KDM4B: variants seen among roughly 807,000 people sequenced by gnomAD.
KDM4B encodes the protein lysine-specific demethylase 4B.
In KDM4B, 32 loss-of-function variants were observed where a neutral mutation model predicts 125.2. The ratio of observed to expected loss-of-function variants is 0.26; its 90% CI spans 0.19 to 0.34. KDM4B has a LOEUF of 0.34. KDM4B is among the 10% of genes least tolerant of loss of function. The pLI, the probability that KDM4B is intolerant of heterozygous loss-of-function variation, is 1.00. For missense variants in KDM4B, 1,190 were observed against 1,577.7 expected, an observed-to-expected ratio of 0.75 and a Z score of 4.16; for synonymous variants, 721 against 677.9, an observed-to-expected ratio of 1.06 and a Z score of -0.99.
At chr19:5,101,841 A>G (rs958499376) in intron 9 of KDM4B, among the ~76,000 whole-genome samples, 8 of 152,182 alleles carry the variant, frequency 5.3e-5, no homozygotes, top group Non-Finnish European at 1.0e-4. Context: ...CCCTTGGGCC[A>G]GCCGGATTGC....
intron 9 of KDM4B, among the ~76,000 whole-genome samples, chr19:5,095,992 C>T (rs1250626288): frequency 6.6e-6 from 1 of 152,182 alleles, no homozygotes; most frequent in East Asian, 1.9e-4. Flanking sequence ...AAGTCAGCTT[C>T]ACAGGGAGCT....
rs1386439004 is a variant in KDM4B at position 5,114,449 on chromosome 19, C to T, written c.1115+3631C>T. 1 of 399,980 alleles carries T rather than the reference C, an allele frequency of 2.5e-6. No homozygotes were observed. Among genetic ancestry groups the T allele is most frequent in the African/African-American group, 2.0e-5 (1 of 48,930 alleles). The allele number at this position is 399,980 out of a possible 1,614,324, so 24.8% of individuals were successfully genotyped here. Reference sequence around the variant, plus strand: ...CCAGGGCTGCCACGGCTGCCACACCCCAGCTGCATTCCTGAGCCCTCCCCA... The same window carrying T: ...CCAGGGCTGCCACGGCTGCCACACCTCAGCTGCATTCCTGAGCCCTCCCCA... On this transcript the variant is annotated intron_variant, in intron 10 of 22. Transcript: ENST00000159111. This position sits in a 1 kb window ranked among gnomAD's most constrained non-coding sequence, Gnocchi z 5.8.
chr19:5,103,508 G>A (rs1438091546), intron 9 of KDM4B, among the ~76,000 whole-genome samples: 6 of 152,138 alleles, frequency 3.9e-5, no homozygotes, highest in African/African-American at 9.7e-5. Flanking sequence ...GGCAGGTGAC[G>A]GCCGCACTGC....
In KDM4B at chr19:5,131,470, G is replaced by C. The variant is rs1329376905; in HGVS notation, c.1710G>C (p.Leu570=). 1 of 1,598,740 alleles carries C rather than the reference G, an allele frequency of 6.3e-7. No individual in the cohort carries two copies. The highest frequency in any genetic ancestry group is 1.1e-5 in the South Asian group (1 of 90,626). The change falls in exon 12 of 23, where the codon CTG becomes CTC. Residue 570 remains leucine, a synonymous_variant. Coordinates refer to ENST00000159111, the MANE Select transcript of KDM4B (RefSeq NM_015015.3). ...TWKEPVSPME[L]TGPEDGAASS... ...AGGAACCAGTTTCCCCCATGGAGCT[G>C]ACGGGGCCAGAGGACGGTGCAGCCA...
intron 6 of KDM4B, among the ~76,000 whole-genome samples, chr19:5,050,046 C>G (rs541826455): frequency 6.6e-6 from 1 of 152,294 alleles, no homozygotes; most frequent in South Asian, 2.1e-4. Context: ...GGCTCCCAGC[C>G]AAGAGATCAC....
intron 1 of KDM4B, among the ~76,000 whole-genome samples, chr19:5,007,928 A>C (rs2035612619): frequency 6.6e-6 from 1 of 152,150 alleles, no homozygotes; most frequent in Non-Finnish European, 1.5e-5. Context: ...TTTAGCCAGA[A>C]ATCTTGCCTG....
At chr19:5,090,499 TC>T (rs2038669611) in intron 9 of KDM4B, among the ~76,000 whole-genome samples, 1 of 40,652 alleles carries the variant, frequency 2.5e-5, no homozygotes, top group Non-Finnish European at 4.8e-5. Flanking sequence ...TCTCCCCCTC[TC>T]GCCCCCTCTC....
At chr19:5,014,109 T>C (rs2035815694) in intron 1 of KDM4B, among the ~76,000 whole-genome samples, 1 of 152,256 alleles carries the variant, frequency 6.6e-6, no homozygotes, top group South Asian at 2.1e-4. Flanking sequence ...ATAGAAAATG[T>C]CAGAGCTCAT....
chr19:5,117,011 A>G (rs969627387), intron 10 of KDM4B, among the ~76,000 whole-genome samples: 5 of 152,152 alleles, frequency 3.3e-5, no homozygotes, highest in African/African-American at 1.2e-4. Flanking sequence ...AGATGCCCCA[A>G]GTGATGGCTG....
At chr19:5,083,590 G>A (rs2038373900) in intron 9 of KDM4B, among the ~76,000 whole-genome samples, 1 of 152,174 alleles carries the variant, frequency 6.6e-6, no homozygotes, top group Non-Finnish European at 1.5e-5. Flanking sequence ...GTCCCGGCAG[G>A]CCAGGCTCGG....
chr19:5,010,927 C>T (rs940318049), intron 1 of KDM4B, among the ~76,000 whole-genome samples: 1 of 152,216 alleles, frequency 6.6e-6, no homozygotes. Context: ...GGATTACAGG[C>T]GTGAGCCACT....
At chr19:5,005,560 T>G (rs1258843090) in intron 1 of KDM4B, among the ~76,000 whole-genome samples, 1 of 152,138 alleles carries the variant, frequency 6.6e-6, no homozygotes, top group East Asian at 1.9e-4. Context: ...CTCACCCTCC[T>G]CCGGGCCTCA....
chr19:4,972,415 C>T (rs776590412), intron 1 of KDM4B, among the ~76,000 whole-genome samples: 11 of 152,156 alleles, frequency 7.2e-5, no homozygotes, highest in South Asian at 4.1e-4. Flanking sequence ...GCTCTGAGTT[C>T]GGAGCCGGTT....
intron 5 of KDM4B, among the ~76,000 whole-genome samples, chr19:5,041,497 C>T (rs150264758): frequency 2.0e-5 from 3 of 152,350 alleles, no homozygotes; most frequent in Non-Finnish European, 2.9e-5. Context: ...CCTGGCCCCA[C>T]CTCTGGCCTC....
chr19:4,977,817 C>T (rs138861297), intron 1 of KDM4B, among the ~76,000 whole-genome samples: 3 of 152,156 alleles, frequency 2.0e-5, no homozygotes, highest in Admixed American at 6.5e-5. Context: ...CCAGCCTCGG[C>T]GCCCTTGGGG....
chr19:5,098,184 C>T (rs2038864476), intron 9 of KDM4B, among the ~76,000 whole-genome samples: 1 of 152,312 alleles, frequency 6.6e-6, no homozygotes, highest in East Asian at 1.9e-4. Flanking sequence ...TCAGTAGAAG[C>T]CCCATTAACA....
rs865871726 is a variant in KDM4B, at chr19:5,047,818, C to T, written c.626+149C>T. The stretch of plus-strand genomic sequence containing the variant: ...TATGACGGCTGGAGATCTTCCGGAC[C>T]GCCTGGGGTCACCCACCAGCTTTGG... On this transcript the variant is annotated intron_variant, in intron 6 of 22. Transcript: ENST00000159111. The T allele has an allele frequency of 6.1e-5, 45 of 731,996 alleles. No homozygotes were observed. In the Middle Eastern group the frequency reaches 1.6e-3, roughly 26 times the overall value. 45.3% of individuals were successfully genotyped at this position (731,996 alleles called of 1,614,324 possible).
intron 2 of KDM4B, among the ~76,000 whole-genome samples, chr19:5,026,775 T>G (rs1362690741): frequency 6.6e-6 from 1 of 152,228 alleles, no homozygotes; most frequent in Non-Finnish European, 1.5e-5. Context: ...TTACTGCTTT[T>G]GTAAAAACTT....
rs549830784 is a variant in KDM4B, at chr19:4,974,611, G to A, written c.-109+5381G>A. On this transcript the variant is annotated intron_variant, in intron 1 of 22. Transcript: ENST00000159111. ...AAATCAGCCGGGCATGGTGGTGGGC[G>A]CCTGTAGTCCCAGCTACTCGGGATG... Among the ~76,000 whole-genome samples, 3 of 151,374 alleles carry A rather than the reference G, an allele frequency of 2.0e-5. No homozygotes were observed. The South Asian group carries it at 6.3e-4, about 32-fold the overall frequency.
Sources: allele counts gnomAD v4.1 joint callset (sites outside exome capture counted in the v4.1 genomes callset), GRCh38; gene constraint gnomAD v4.1.1; non-coding constraint Gnocchi (gnomAD v3.1); transcripts MANE v1.5; gene names NCBI Gene and HGNC (gene_info 2026-07-23, HGNC 2026-07-21).